TGFBR3: variants seen among roughly 807,000 people sequenced by gnomAD.
TGFBR3 encodes transforming growth factor beta receptor type 3.
In TGFBR3, 46 loss-of-function variants were observed where a neutral mutation model predicts 87.9. The observed-to-expected ratio is 0.52, with a 90% CI of 0.41 to 0.67. TGFBR3 has a LOEUF of 0.67. TGFBR3 is among the 30% of genes least tolerant of loss of function. TGFBR3 has a pLI of 0.00. For missense variants in TGFBR3, 866 were observed against 1,041.9 expected, an observed-to-expected ratio of 0.83 and a Z score of 2.32; for synonymous variants, 381 against 391.6, an observed-to-expected ratio of 0.97 and a Z score of 0.32.
At chr1:91,851,395 T>G (rs1402010862) in intron 2 of TGFBR3, among the ~76,000 whole-genome samples, 1 of 152,208 alleles carries the variant, frequency 6.6e-6, no homozygotes, top group South Asian at 2.1e-4. Flanking sequence ...GTGGCTGCCA[T>G]GGATGTGGTG....
intron 1 of TGFBR3, among the ~76,000 whole-genome samples, chr1:91,868,392 A>G (rs1303692645): frequency 1.3e-5 from 2 of 152,236 alleles, no homozygotes; most frequent in East Asian, 3.8e-4. Flanking sequence ...AATTTCAAAA[A>G]TTCCCTCCAT....
At chr1:91,735,277 C>A (rs765065124) in intron 4 of TGFBR3, among the ~76,000 whole-genome samples, 1 of 152,180 alleles carries the variant, frequency 6.6e-6, no homozygotes, top group Non-Finnish European at 1.5e-5. Flanking sequence ...ACCAATCTTA[C>A]AATGAATGTA....
chr1:91,706,914 C>T (rs1438782541), intron 14 of TGFBR3, among the ~76,000 whole-genome samples: 1 of 152,144 alleles, frequency 6.6e-6, no homozygotes, highest in East Asian at 1.9e-4. Context: ...CTATTTGGAC[C>T]ATCCATTTAT....
At chr1:91,826,349 A>AT (rs1294879061) in intron 2 of TGFBR3, among the ~76,000 whole-genome samples, 2 of 151,724 alleles carry the variant, frequency 1.3e-5, no homozygotes, top group East Asian at 3.9e-4. Flanking sequence ...CATTTCTTCT[A>AT]TTTTAAGTCC....
intron 16 of TGFBR3, among the ~76,000 whole-genome samples, chr1:91,694,607 A>G (rs1246162585): frequency 1.3e-5 from 2 of 152,236 alleles, no homozygotes; most frequent in African/African-American, 4.8e-5. Flanking sequence ...ATGACTCTCC[A>G]AAATATCCTT....
intron 2 of TGFBR3, among the ~76,000 whole-genome samples, chr1:91,822,311 A>T (rs12039850): frequency 0.27 from 39,007 of 145,354 alleles, 6,157 homozygotes; most frequent in Non-Finnish European, 0.34. Flanking sequence ...AAAAAAAAAA[A>T]AAAAAAAAAA....
chr1:91,691,046 G>A (rs888643170), intron 16 of TGFBR3, among the ~76,000 whole-genome samples: 12 of 151,718 alleles, frequency 7.9e-5, no homozygotes, highest in African/African-American at 2.7e-4. Flanking sequence ...AAAGTTATTG[G>A]AATTAAAAAA....
At chr1:91,887,771 T>C, upstream of TGFBR3, among the ~76,000 whole-genome samples, 1 of 152,184 alleles carries the variant, frequency 6.6e-6, no homozygotes, top group Admixed American at 6.5e-5. Flanking sequence ...AAAAATCTCC[T>C]CACTGAACCA....
rs76502372 is a variant in TGFBR3, at chr1:91,788,081, T to C, written c.246+9206A>G. ...GTGCTTGACAGCACTGGAGGCTTCA[T>C]AAGCTGGGGAGGAGCAAGAGTGGGG... On this transcript the variant is annotated intron_variant, in intron 3 of 16. Transcript: ENST00000212355. 1.8e-3 allele frequency among the ~76,000 whole-genome samples: 279 copies of C among 152,212 alleles called. 16 individuals carry two copies. In the East Asian group the frequency reaches 0.051, roughly 28 times the overall value.
rs774395309 is a variant in TGFBR3 at position 91,758,770 on chromosome 1, G to A, written c.247-20C>T. ...TGTGACCTAGGAAGCAACAGAAAGA[G>A]GGCAGAAATCTTAGCCCTGGCTTTC... On this transcript the variant is annotated intron_variant, in intron 3 of 16. Coordinates refer to ENST00000212355, the MANE Select transcript of TGFBR3 (RefSeq NM_003243.5). The A allele has an allele frequency of 2.5e-6, 4 of 1,613,680 alleles. No individual in the cohort carries two copies. In the Admixed American group the frequency reaches 5.0e-5, roughly 20 times the overall value.
chr1:91,841,566 G>A (rs1293547019), intron 2 of TGFBR3, among the ~76,000 whole-genome samples: 1 of 148,754 alleles, frequency 6.7e-6, no homozygotes, highest in Admixed American at 6.7e-5. Flanking sequence ...AGGCCAAGGC[G>A]GGCAGATCAC....
chr1:91,883,547 C>A (rs1167363341), intron 1 of TGFBR3, among the ~76,000 whole-genome samples: 1 of 152,090 alleles, frequency 6.6e-6, no homozygotes, highest in Non-Finnish European at 1.5e-5. Context: ...CGGGTTTATG[C>A]GCCTTATAGA....
At chr1:91,844,637 C>A (rs998119996) in intron 2 of TGFBR3, among the ~76,000 whole-genome samples, 1 of 152,080 alleles carries the variant, frequency 6.6e-6, no homozygotes, top group Non-Finnish European at 1.5e-5. Context: ...TTAGAATAAC[C>A]TTGAATTTAG....
chr1:91,814,408 C>A (rs1292887159), intron 2 of TGFBR3, among the ~76,000 whole-genome samples: 2 of 152,000 alleles, frequency 1.3e-5, no homozygotes, highest in African/African-American at 4.8e-5. Flanking sequence ...TACATGGAAA[C>A]AATGAATGGA....
chr1:91,866,514 A>G (rs1014656058), intron 1 of TGFBR3, among the ~76,000 whole-genome samples: 1 of 152,242 alleles, frequency 6.6e-6, no homozygotes, highest in African/African-American at 2.4e-5. Context: ...AAAGACGCCA[A>G]AAATCCTGCC....
chr1:91,886,078 G>C lies in TGFBR3; in HGVS notation c.-314C>G, dbSNP rs1237321142. ...CGCGCAGGGAAAGTGGCCGGGGCGC[G>C]AGAGCCGCCGACTGCCCTCCTTCAC... On this transcript the variant is annotated 5_prime_UTR_variant, in exon 1 of 17. Coordinates refer to ENST00000212355, the MANE Select transcript of TGFBR3 (RefSeq NM_003243.5). 2 of 453,970 alleles carry C rather than the reference G, an allele frequency of 4.4e-6. No individual in the cohort carries two copies. Among genetic ancestry groups the C allele is most frequent in the Non-Finnish European group, 8.8e-6 (2 of 226,786 alleles). The allele number at this position is 453,970 out of a possible 1,614,324, so 28.1% of individuals were successfully genotyped here.
At position 91,861,422 on chromosome 1, in the gene TGFBR3, T is replaced by C. The variant is rs1378657802; in HGVS notation, c.61+49A>G. ...CTCAACTAAAGAGACTGGGACAAAA[T>C]ATATCCAAAAATATATAACAAATAT... On this transcript the variant is annotated intron_variant, in intron 2 of 16. Coordinates refer to ENST00000212355, the MANE Select transcript of TGFBR3 (RefSeq NM_003243.5). 8 of 1,427,288 alleles carry C rather than the reference T, an allele frequency of 5.6e-6. No homozygotes were observed. In the African/African-American group the frequency reaches 9.9e-5, roughly 18 times the overall value. 88.4% of individuals were successfully genotyped at this position (1,427,288 alleles called of 1,614,324 possible).
intron 3 of TGFBR3, among the ~76,000 whole-genome samples, chr1:91,783,804 C>A (rs1041201520): frequency 2.6e-5 from 4 of 152,156 alleles, no homozygotes; most frequent in East Asian, 1.9e-4. Flanking sequence ...AAAACAAAAT[C>A]AAAAAAATCA....
At chr1:91,775,651 T>C (rs757664586) in intron 3 of TGFBR3, among the ~76,000 whole-genome samples, 1 of 152,182 alleles carries the variant, frequency 6.6e-6, no homozygotes, top group Non-Finnish European at 1.5e-5. Flanking sequence ...TTGGCATCTA[T>C]CCCAAGAATA....
Sources: allele counts gnomAD v4.1 joint callset (sites outside exome capture counted in the v4.1 genomes callset), GRCh38; gene constraint gnomAD v4.1.1; transcripts MANE v1.5; gene names NCBI Gene and HGNC (gene_info 2026-07-23, HGNC 2026-07-21).